PRKCQ: variants seen among roughly 807,000 people sequenced by gnomAD.
PRKCQ encodes the protein protein kinase C theta.
Under a neutral mutation model 91.2 loss-of-function variants are expected in PRKCQ, and 41 were observed. The ratio of observed to expected loss-of-function variants is 0.45; its 90% CI spans 0.35 to 0.58. The LOEUF (loss-of-function observed/expected upper bound fraction) is 0.58. Ranked by LOEUF, PRKCQ falls within the 20% of genes least tolerant of loss-of-function variation. The probability of loss-of-function intolerance (pLI) is 0.00; values close to 1 mark genes in which losing one functional copy is unlikely to be tolerated. For missense variants in PRKCQ, 673 were observed against 896.5 expected (o/e 0.75, Z 3.18); for synonymous variants, 307 against 316.9 (o/e 0.97, Z 0.33).
At chr10:6,580,304 C>CTGGCGGGGA (rs1841430798), upstream of PRKCQ, 2 of 146,546 alleles carry the variant, frequency 1.4e-5, no homozygotes, top group African/African-American at 4.9e-5. Context: ...GCTGGCGGGG[C>CTGGCGGGGA]TGGCGGGGCT....
intron 4 of PRKCQ, 112 bp from the exon 5 acceptor site, chr10:6,498,670 G>A: frequency 1.0e-6 from 1 of 991,920 alleles, no homozygotes. Flanking sequence ...GACCAGCTCT[G>A]AGTACCTGCT....
chr10:6,514,941 G>C lies in PRKCQ; in HGVS notation c.118+77C>G, dbSNP rs905569651. ...CCACCAGATGATGTCAAATGTCCTG[G>C]AAGACCTTGCTTCATACACAGTTCA... On this transcript the variant is annotated intron_variant, in intron 2 of 17. Transcript: ENST00000263125. 7 of 1,598,650 alleles carry C rather than the reference G, an allele frequency of 4.4e-6. No individual in the cohort carries two copies. The Admixed American group carries it at 1.2e-4, about 27-fold the overall frequency.
chr10:6,458,070 A>T (rs1173979528), intron 14 of PRKCQ, among the ~76,000 whole-genome samples: 2 of 152,012 alleles, frequency 1.3e-5, no homozygotes, highest in Non-Finnish European at 2.9e-5. Flanking sequence ...CAGACTCTTG[A>T]CCACATGTGT....
At chr10:6,580,432 G>A (rs1302626521), upstream of PRKCQ, 1 of 152,090 alleles carries the variant, frequency 6.6e-6, no homozygotes, top group Admixed American at 6.6e-5. Flanking sequence ...TCTAGCCAGG[G>A]ACGCGCGCTC....
intron 1 of PRKCQ, among the ~76,000 whole-genome samples, chr10:6,565,811 A>T (rs1463336821): frequency 6.6e-6 from 1 of 152,254 alleles, no homozygotes; most frequent in Non-Finnish European, 1.5e-5. Flanking sequence ...GTTCCTCAAA[A>T]GTAATTGCAA....
At chr10:6,499,955 C>T (rs555558041) in intron 4 of PRKCQ, among the ~76,000 whole-genome samples, 4 of 152,182 alleles carry the variant, frequency 2.6e-5, no homozygotes, top group Non-Finnish European at 4.4e-5. Context: ...CTGTAGTGTC[C>T]GCAGATTTGT....
At chr10:6,442,948 G>C (rs915692375) in intron 15 of PRKCQ, among the ~76,000 whole-genome samples, 1 of 152,086 alleles carries the variant, frequency 6.6e-6, no homozygotes, top group African/African-American at 2.4e-5. Context: ...GGCAACAAGA[G>C]AGAAACTCCA....
the PRKCQ span, among the ~76,000 whole-genome samples, chr10:6,416,894 A>T: frequency 3.9e-5 from 6 of 152,072 alleles, no homozygotes. Flanking sequence ...TTGACTTTTA[A>T]ATTATGATCA....
chr10:6,577,761 C>T (rs1366496457), intron 1 of PRKCQ, among the ~76,000 whole-genome samples: 1 of 152,152 alleles, frequency 6.6e-6, no homozygotes, highest in Non-Finnish European at 1.5e-5. Flanking sequence ...AACTCTAAGA[C>T]ATCAATCAAA....
downstream of PRKCQ, among the ~76,000 whole-genome samples, chr10:6,425,225 ATTTTTTT>A (rs34277466): frequency 8.9e-3 from 1,227 of 137,702 alleles, 22 homozygotes; most frequent in African/African-American, 0.032. Context: ...TCTCTCCTCT[ATTTTTTT>A]TTTTTTTTTT....
chr10:6,479,951 CAAAATAAAAA>C (rs961757509), intron 11 of PRKCQ, among the ~76,000 whole-genome samples: 12 of 150,738 alleles, frequency 8.0e-5, no homozygotes, highest in African/African-American at 2.9e-4. Context: ...GACTGTGTCT[CAAAATAAAAA>C]AAAATAAATA....
intron 1 of PRKCQ, among the ~76,000 whole-genome samples, chr10:6,547,520 G>A (rs1840007162): frequency 6.6e-6 from 1 of 151,926 alleles, no homozygotes; most frequent in Non-Finnish European, 1.5e-5. Context: ...CATGGTACTG[G>A]TACCAAAACA....
At chr10:6,401,456 T>C in the PRKCQ span, among the ~76,000 whole-genome samples, 3 of 152,102 alleles carry the variant, frequency 2.0e-5, no homozygotes, top group African/African-American at 4.8e-5. Flanking sequence ...ACATGGTTAA[T>C]AGTAATAATT....
intron 1 of PRKCQ, among the ~76,000 whole-genome samples, chr10:6,579,283 T>C (rs1841358564): frequency 6.6e-6 from 1 of 152,148 alleles, no homozygotes; most frequent in Admixed American, 6.5e-5. Flanking sequence ...GAGTGCTCCC[T>C]CTTCCCTCCA....
rs1204404941 is a variant in PRKCQ at position 6,451,927 on chromosome 10, C to A, written c.1647+4747G>T. Among the ~76,000 whole-genome samples, 12 of 152,298 alleles carry A rather than the reference C, an allele frequency of 7.9e-5. No homozygotes were observed. In the East Asian group the frequency reaches 2.1e-3, roughly 27 times the overall value. On this transcript the variant is annotated intron_variant, in intron 15 of 17. Coordinates refer to ENST00000263125, the MANE Select transcript of PRKCQ (RefSeq NM_006257.5). ...AATTAAGTATTGATGGGATGTATCT[C>A]AAAATCATAAGAGCTATCTATGACA...
At chr10:6,493,651 G>A (rs563962753) in intron 7 of PRKCQ, among the ~76,000 whole-genome samples, 3 of 152,234 alleles carry the variant, frequency 2.0e-5, no homozygotes, top group East Asian at 1.9e-4. Flanking sequence ...AGAGATTTGC[G>A]TTTTTTTCTA....
chr10:6,576,266 C>T lies in PRKCQ; in HGVS notation c.-10+3945G>A, dbSNP rs767625920. Among the ~76,000 whole-genome samples the T allele has an allele frequency of 4.1e-4, 62 of 152,244 alleles. No homozygotes were observed. The highest frequency in any genetic ancestry group is 1.1e-3 in the African/African-American group (47 of 41,534). On this transcript the variant is annotated intron_variant, in intron 1 of 17. Transcript: ENST00000263125. This position sits in a 1 kb window ranked among gnomAD's most constrained non-coding sequence, Gnocchi z 4.2. ...ACAGATATCTGCGTGTTCCTCTTCA[C>T]GGCAGCATTATTCACAATAATCAAA...
chr10:6,513,352 AG>A (rs1327395567), intron 2 of PRKCQ, among the ~76,000 whole-genome samples: 2 of 151,802 alleles, frequency 1.3e-5, no homozygotes, highest in African/African-American at 4.8e-5. Context: ...CCAACTCCAC[AG>A]GCTAATATTT....
rs556632369 is a variant in PRKCQ, at chr10:6,533,866, T to C, written c.-9-18722A>G. ...TAATATAATACTAAATTCAGACAGATTGAAGATATTCATCCAGAAATAAAA... is the reference window on the plus strand; with the variant it reads ...TAATATAATACTAAATTCAGACAGACTGAAGATATTCATCCAGAAATAAAA... On this transcript the variant is annotated intron_variant, in intron 1 of 17. Coordinates refer to ENST00000263125, the MANE Select transcript of PRKCQ (RefSeq NM_006257.5). Among the ~76,000 whole-genome samples, 16 of 152,266 alleles carry C rather than the reference T, an allele frequency of 1.1e-4. No homozygotes were observed. In the South Asian group the frequency reaches 2.7e-3, roughly 26 times the overall value.
Sources: gnomAD v4.1 joint callset for allele counts (sites outside exome capture counted in the v4.1 genomes callset) on GRCh38, gnomAD v4.1.1 for gene constraint, Gnocchi (gnomAD v3.1) non-coding constraint, MANE v1.5 for transcripts, NCBI Gene and HGNC (gene_info 2026-07-23, HGNC 2026-07-21) for gene names.